The following VWA3A variants were observed in gnomAD, a reference collection of about 807,000 sequenced individuals.
The protein encoded by VWA3A is von Willebrand factor A domain-containing protein 3A.
In VWA3A, 134 loss-of-function variants were observed where a neutral mutation model predicts 160.4. The ratio of observed to expected loss-of-function variants is 0.84; its 90% CI spans 0.73 to 0.96. The LOEUF is 0.96. VWA3A is among the 40% of genes least tolerant of loss of function. The pLI, the probability that VWA3A is intolerant of heterozygous loss-of-function variation, is 0.00. For missense variants in VWA3A, 1,310 were observed against 1,447.9 expected (o/e 0.90, Z 1.55); for synonymous variants, 476 against 543.4 (o/e 0.88, Z 1.72).
intron 8 of VWA3A, among the ~76,000 whole-genome samples, chr16:22,113,867 G>A (rs775854429): frequency 1.4e-4 from 22 of 152,080 alleles, no homozygotes; most frequent in Non-Finnish European, 3.2e-4. Flanking sequence ...CCAAAGTGCT[G>A]GGATTGCCGG....
In VWA3A at chr16:22,115,454, T is replaced by A. The variant is rs779592152; in HGVS notation, c.797T>A (p.Val266Glu). 4.4e-6 allele frequency: 7 copies of A among 1,607,536 alleles called. No individual in the cohort carries two copies. The highest frequency in any genetic ancestry group is 2.7e-5 in the African/African-American group (2 of 74,670). ...IFTLKGLDSL[V>E]AIMRSCPDQP... ...ACTCTCAAGGGACTGGATTCCCTGG[T>A]GGCCATCATGAGAAGCTGGTAGGTC... is the stretch of plus-strand genomic sequence containing the variant. Residue 266 changes from valine (V) to glutamate (E), a missense_variant, in exon 9 of 34, where the codon GTG becomes GAG. Coordinates refer to ENST00000389398, the MANE Select transcript of VWA3A (RefSeq NM_173615.5).
chr16:22,131,237 A>G lies in VWA3A; in HGVS notation c.1685A>G (p.Glu562Gly), dbSNP rs1225103039. The G allele has an allele frequency of 1.2e-6, 2 of 1,614,018 alleles. No individual in the cohort carries two copies. The highest frequency in any genetic ancestry group is 2.2e-5 in the South Asian group (2 of 91,068). ...AGCACAATTGAAAGCTGGAGGCCTG[A>G]GATGGTTCCCGTGAGTCACAACAAT... ...FGSTIESWRPEMVPVSHNNLQ... is the reference protein window; with the variant it reads ...FGSTIESWRPGMVPVSHNNLQ... The change falls in exon 18 of 34, where the codon GAG (glutamate) becomes GGG (glycine). Residue 562 changes from glutamate (E) to glycine (G), a missense_variant. By Grantham distance (98) the Glu-to-Gly change is moderately conservative. Coordinates refer to ENST00000389398, the MANE Select transcript of VWA3A (RefSeq NM_173615.5).
intron 12 of VWA3A, 32 bp downstream of exon 12, chr16:22,119,059 T>A: frequency 1.3e-6 from 2 of 1,577,680 alleles, no homozygotes; most frequent in Non-Finnish European, 1.7e-6. Flanking sequence ...TCTGGGGCCT[T>A]CTCCCAGCAG....
Position 22,108,999 on chromosome 16 carries a change from G to A in VWA3A, c.484-483G>A, listed in dbSNP as rs569170787. Among the ~76,000 whole-genome samples the A allele has an allele frequency of 3.3e-5, 5 of 152,250 alleles. No individual in the cohort carries two copies. In the East Asian group the frequency reaches 9.6e-4, roughly 29 times the overall value. ...ATCAACCTGGACAATATAGCAATAT[G>A]CCATCTCAAAAAGAAGAAACAAGAA... On this transcript the variant is annotated intron_variant, in intron 6 of 33. Coordinates refer to ENST00000389398, the MANE Select transcript of VWA3A (RefSeq NM_173615.5).
intron 31 of VWA3A, 81 bp from the exon 32 acceptor site, chr16:22,155,486 G>A: frequency 8.1e-7 from 1 of 1,232,900 alleles, no homozygotes; most frequent in African/African-American, 1.5e-5. Flanking sequence ...AACGTGATTA[G>A]CTCTAAAATG....
chr16:22,125,703 G>A (rs968183158), intron 16 of VWA3A, among the ~76,000 whole-genome samples: 11 of 152,068 alleles, frequency 7.2e-5, no homozygotes, highest in South Asian at 4.1e-4. Flanking sequence ...GATTACAGGC[G>A]TGAGCCACCG....
chr16:22,096,351 G>T (rs2045320939), intron 1 of VWA3A, among the ~76,000 whole-genome samples: 1 of 152,188 alleles, frequency 6.6e-6, no homozygotes, highest in Admixed American at 6.5e-5. Flanking sequence ...ATAATCCCAT[G>T]ACTTAGGGAG....
intron 4 of VWA3A, 21 bp from the exon 5 acceptor site, chr16:22,100,395 C>A (rs756392828): frequency 6.4e-7 from 1 of 1,551,666 alleles, no homozygotes; most frequent in South Asian, 1.2e-5. Context: ...GAGATCCCCT[C>A]ATAAGGCTTT....
At position 22,110,781 on chromosome 16, in the gene VWA3A, A is replaced by C. The variant is rs928163152; in HGVS notation, c.583-107A>C. The C allele has an allele frequency of 1.2e-4, 118 of 1,008,456 alleles. No homozygotes were observed. The Middle Eastern group carries it at 3.6e-3, about 31-fold the overall frequency. 62.5% of individuals were successfully genotyped at this position (1,008,456 alleles called of 1,614,324 possible). Reference sequence around the variant, plus strand: ...AGCCCAGCCTCGAGCAGCCCTATTCAGTACAGCTCACACCCAGCCCAGAGG... The same window carrying C: ...AGCCCAGCCTCGAGCAGCCCTATTCCGTACAGCTCACACCCAGCCCAGAGG... On this transcript the variant is annotated intron_variant, in intron 7 of 33. Coordinates refer to ENST00000389398, the MANE Select transcript of VWA3A (RefSeq NM_173615.5).
At chr16:22,095,399 G>A (rs1256838360) in intron 1 of VWA3A, among the ~76,000 whole-genome samples, 2 of 152,162 alleles carry the variant, frequency 1.3e-5, no homozygotes, top group Non-Finnish European at 1.5e-5. Context: ...GAGCAGTGGT[G>A]AAGTGGGAAA....
chr16:22,107,160 C>T (rs1487069817), intron 6 of VWA3A, among the ~76,000 whole-genome samples: 2 of 152,162 alleles, frequency 1.3e-5, no homozygotes, highest in Admixed American at 6.5e-5. Context: ...AGTCATGACA[C>T]TCAGATCACT....
chr16:22,126,447 A>C (rs2045852013), intron 17 of VWA3A, 150 bp downstream of exon 17: 3 of 1,236,842 alleles, frequency 2.4e-6, no homozygotes, highest in Non-Finnish European at 3.3e-6. Context: ...TCTGATTTGG[A>C]TGATCTTGTT....
intron 31 of VWA3A, among the ~76,000 whole-genome samples, chr16:22,154,437 T>TAGGAGG (rs2046403788): frequency 6.8e-6 from 1 of 146,258 alleles, no homozygotes; most frequent in Non-Finnish European, 1.5e-5. Flanking sequence ...CAAGTGATTC[T>TAGGAGG]CATGTCTCAG....
rs1219114013 is a variant in VWA3A at position 22,131,856 on chromosome 16, A to G, written c.1872+127A>G. The G allele has an allele frequency of 7.6e-6, 10 of 1,313,906 alleles. No homozygotes were observed. The Admixed American group carries it at 2.3e-4, about 30-fold the overall frequency. 81.4% of individuals were successfully genotyped at this position (1,313,906 alleles called of 1,614,324 possible). A position where few individuals can be genotyped will look rare whatever the true frequency, so the allele number is the denominator to read the frequency against. Reference sequence around the variant, plus strand: ...CAGTGCTTCTCAAACTTTAATGTATAGACAAGCACCTAAGGATGCTGTTAA... The same window carrying G: ...CAGTGCTTCTCAAACTTTAATGTATGGACAAGCACCTAAGGATGCTGTTAA... On this transcript the variant is annotated intron_variant, in intron 19 of 33. Transcript: ENST00000389398.
At chr16:22,132,361 G>A (rs997420798) in intron 19 of VWA3A, among the ~76,000 whole-genome samples, 2 of 147,604 alleles carry the variant, frequency 1.4e-5, no homozygotes, top group South Asian at 2.2e-4. Context: ...CAGCCTGGGC[G>A]ACAAAAGCGA....
rs1012155432 is a variant in VWA3A at position 22,126,288 on chromosome 16, A to G, written c.1643A>G (p.Asn548Ser). The change falls in exon 17 of 34, where the codon AAC becomes AGC. Residue 548 changes from asparagine (N) to serine (S), a missense_variant. Transcript: ENST00000389398. ...CAGTTATCCAACAAGGACTGTTTCA[A>G]CCTCATCGCGTATGTGTCTCCTGGC... ...EEQLSNKDCF[N>S]LIAFGSTIES... 15 of 1,613,028 alleles carry G rather than the reference A, an allele frequency of 9.3e-6. No homozygotes were observed. The highest frequency in any genetic ancestry group is 5.3e-5 in the African/African-American group (4 of 74,798).
chr16:22,123,389 A>G, intron 15 of VWA3A: 1 of 1,446,994 alleles, frequency 6.9e-7, no homozygotes, highest in Non-Finnish European at 9.4e-7. Context: ...CTGGGGAAAG[A>G]TCTGCTTCCT....
intron 24 of VWA3A, among the ~76,000 whole-genome samples, chr16:22,142,272 G>A (rs2046164008): frequency 6.6e-6 from 1 of 152,000 alleles, no homozygotes; most frequent in African/African-American, 2.4e-5. Flanking sequence ...CCCAAGGCTA[G>A]GTGATTTATG....
At chr16:22,109,437 C>T in intron 6 of VWA3A, 45 bp from the exon 7 acceptor site, 3 of 1,497,044 alleles carry the variant, frequency 2.0e-6, no homozygotes. Context: ...GTAGGAGACA[C>T]ACAGACTTGC....
Sources: allele counts gnomAD v4.1 joint callset (sites outside exome capture counted in the v4.1 genomes callset), GRCh38; gene constraint gnomAD v4.1.1; transcripts MANE v1.5; gene names NCBI Gene and HGNC (gene_info 2026-07-23, HGNC 2026-07-21).